The following FAM193A variants were observed in gnomAD, a reference collection of about 807,000 sequenced individuals.
The protein encoded by FAM193A is family with sequence similarity 193 member A, also known as protein FAM193A.
In FAM193A, 22 loss-of-function variants were observed where a neutral mutation model predicts 126.5. The observed-to-expected ratio is 0.17, with a 90% CI of 0.12 to 0.25. The LOEUF is 0.25. Among genes scored for constraint, FAM193A ranks in the 10% least tolerant of loss-of-function variants. The probability of loss-of-function intolerance (pLI) is 1.00; values close to 1 mark genes in which losing one functional copy is unlikely to be tolerated. For missense variants in FAM193A, 1,675 were observed against 1,672.8 expected, an observed-to-expected ratio of 1.00 and a Z score of -0.02; for synonymous variants, 761 against 646.8, an observed-to-expected ratio of 1.18 and a Z score of -2.68.
intron 20 of FAM193A, among the ~76,000 whole-genome samples, chr4:2,720,626 G>A (rs1359285787): frequency 1.3e-5 from 2 of 149,876 alleles, no homozygotes; most frequent in Admixed American, 1.3e-4. Flanking sequence ...GCTCCAGCTT[G>A]GGCAACAGTG....
intron 4 of FAM193A, among the ~76,000 whole-genome samples, chr4:2,629,586 T>C (rs767626321): frequency 6.6e-6 from 1 of 152,238 alleles, no homozygotes; most frequent in Non-Finnish European, 1.5e-5. Context: ...GTGACAACTT[T>C]CTTTTCTTTT....
intron 5 of FAM193A, among the ~76,000 whole-genome samples, chr4:2,634,410 G>A (rs1743896068): frequency 6.6e-6 from 1 of 152,090 alleles, no homozygotes; most frequent in African/African-American, 2.4e-5. Context: ...CAAATGAGCA[G>A]CTCACAGTAA....
At chr4:2,654,252 A>C (rs1745948751) in intron 7 of FAM193A, among the ~76,000 whole-genome samples, 1 of 151,472 alleles carries the variant, frequency 6.6e-6, no homozygotes, top group South Asian at 2.1e-4. Context: ...ATGGAGTCTT[A>C]CTCTCTCAAC....
intron 1 of FAM193A, among the ~76,000 whole-genome samples, chr4:2,555,160 C>T (rs1738177711): frequency 6.6e-6 from 1 of 152,096 alleles, no homozygotes; most frequent in Non-Finnish European, 1.5e-5. Flanking sequence ...GTTCTCTTTA[C>T]TAGACTTTTT....
In FAM193A at chr4:2,696,621, G is replaced by T. The variant is rs1401902055; in HGVS notation, c.3507+28G>T. 1.9e-6 allele frequency: 3 copies of T among 1,569,890 alleles called. No individual in the cohort carries two copies. The East Asian group carries it at 6.7e-5, about 35-fold the overall frequency. ...AAGTGACAGTTCTCAGCACCTGGAGGCGCCAGGTCTGAGGGCATTTGAAGG... is the reference window on the plus strand; with the variant it reads ...AAGTGACAGTTCTCAGCACCTGGAGTCGCCAGGTCTGAGGGCATTTGAAGG... On this transcript the variant is annotated intron_variant, in intron 18 of 20. Coordinates refer to ENST00000637812, the MANE Select transcript of FAM193A (RefSeq NM_001366318.2).
intron 20 of FAM193A, among the ~76,000 whole-genome samples, chr4:2,729,905 G>A (rs1343565671): frequency 2.0e-5 from 3 of 152,006 alleles, no homozygotes; most frequent in Non-Finnish European, 4.4e-5. Flanking sequence ...AGCCACCACA[G>A]CAAGGCTTTA....
At chr4:2,621,089 G>A (rs555457672) in intron 2 of FAM193A, among the ~76,000 whole-genome samples, 38 of 152,194 alleles carry the variant, frequency 2.5e-4, no homozygotes, top group African/African-American at 8.2e-4. Flanking sequence ...TGGAGAGTGC[G>A]TGCCTCTCAG....
intron 17 of FAM193A, among the ~76,000 whole-genome samples, chr4:2,695,469 T>C (rs973828087): frequency 4.6e-5 from 7 of 152,230 alleles, no homozygotes; most frequent in Admixed American, 6.5e-5. Context: ...TTCTCTTGTT[T>C]GAATACAGAG....
intron 19 of FAM193A, among the ~76,000 whole-genome samples, chr4:2,710,161 G>GTTTTTTTTTT (rs796903801): frequency 4.6e-4 from 42 of 91,816 alleles, no homozygotes; most frequent in Non-Finnish European, 6.5e-4. Flanking sequence ...TTCTTCTTTT[G>GTTTTTTTTTT]TTTTTTTTTT....
intron 1 of FAM193A, among the ~76,000 whole-genome samples, chr4:2,552,138 A>G (rs1283072721): frequency 6.6e-6 from 1 of 150,624 alleles, no homozygotes; most frequent in African/African-American, 2.4e-5. Flanking sequence ...CAGCCTCCGG[A>G]GTAGCTGGGA....
intron 19 of FAM193A, among the ~76,000 whole-genome samples, chr4:2,702,643 C>A (rs531971305): frequency 6.6e-6 from 1 of 152,312 alleles, no homozygotes; most frequent in African/African-American, 2.4e-5. Flanking sequence ...GAGCGTTCTC[C>A]CTTCCCCGTC....
intron 8 of FAM193A, among the ~76,000 whole-genome samples, chr4:2,658,250 C>T (rs1254458724): frequency 1.3e-5 from 2 of 152,126 alleles, no homozygotes; most frequent in Admixed American, 1.3e-4. Context: ...AAGGATGTTG[C>T]CTGATGTCCC....
At chr4:2,592,114 G>A (rs1336925611) in intron 1 of FAM193A, among the ~76,000 whole-genome samples, 3 of 151,434 alleles carry the variant, frequency 2.0e-5, no homozygotes, top group Admixed American at 1.3e-4. Flanking sequence ...TTTTTGAGAT[G>A]GAGTATTGCT....
At chr4:2,610,819 C>T (rs563038448) in intron 2 of FAM193A, among the ~76,000 whole-genome samples, 3 of 152,030 alleles carry the variant, frequency 2.0e-5, no homozygotes, top group Admixed American at 1.3e-4. Context: ...CTCACCGCAG[C>T]CTCCGCCTCC....
At chr4:2,602,245 A>T (rs1741241886) in intron 2 of FAM193A, among the ~76,000 whole-genome samples, 1 of 151,762 alleles carries the variant, frequency 6.6e-6, no homozygotes, top group Non-Finnish European at 1.5e-5. Context: ...CCCGAAAGAG[A>T]ACAGTGCAAA....
At chr4:2,573,889 T>C (rs918261544) in intron 1 of FAM193A, among the ~76,000 whole-genome samples, 2 of 151,866 alleles carry the variant, frequency 1.3e-5, no homozygotes, top group African/African-American at 4.8e-5. Flanking sequence ...GGGGAAGAAG[T>C]TTCTAGTCAA....
At chr4:2,620,836 C>CAAAAAAAAAAAG (rs1207985820) in intron 2 of FAM193A, among the ~76,000 whole-genome samples, 2 of 69,100 alleles carry the variant, frequency 2.9e-5, no homozygotes, top group African/African-American at 1.2e-4. Context: ...AACTCCGTCT[C>CAAAAAAAAAAAG]AAAAAAAAAA....
intron 20 of FAM193A, among the ~76,000 whole-genome samples, chr4:2,724,834 G>A (rs935979334): frequency 3.3e-5 from 5 of 152,156 alleles, no homozygotes; most frequent in East Asian, 1.9e-4. Context: ...CAAGGGTTAC[G>A]GAAGAGAGGA....
intron 1 of FAM193A, among the ~76,000 whole-genome samples, chr4:2,576,611 C>G (rs1369545598): frequency 1.3e-5 from 2 of 152,062 alleles, no homozygotes; most frequent in East Asian, 1.9e-4. Flanking sequence ...AACAATGATG[C>G]TATTGTGACA....
Sources: gnomAD v4.1 joint callset for allele counts (sites outside exome capture counted in the v4.1 genomes callset) on GRCh38, gnomAD v4.1.1 for gene constraint, MANE v1.5 for transcripts, NCBI Gene and HGNC (gene_info 2026-07-23, HGNC 2026-07-21) for gene names.